COL21A1: variants seen among roughly 807,000 people sequenced by gnomAD.
The protein encoded by COL21A1 is collagen alpha-1(XXI) chain.
COL21A1 carries 149 observed loss-of-function variants against 137.9 expected under a neutral mutation model. The ratio of observed to expected loss-of-function variants is 1.08; its 90% CI spans 0.95 to 1.24. The LOEUF is 1.24. Ranked by LOEUF, COL21A1 falls within the 50% of genes most tolerant of loss-of-function variation. COL21A1 has a pLI of 0.00. For synonymous variants in COL21A1, 456 were observed against 391.5 expected, an observed-to-expected ratio of 1.16 and a Z score of -1.95; for missense variants, 1,167 against 1,158.4, an observed-to-expected ratio of 1.01 and a Z score of -0.11.
chr6:56,248,656 G>A (rs949957480), upstream of COL21A1, among the ~76,000 whole-genome samples: 1 of 152,202 alleles, frequency 6.6e-6, no homozygotes, highest in Non-Finnish European at 1.5e-5. Flanking sequence ...CTAAATGAAT[G>A]TGTGAATTAA....
intron 1 of COL21A1, among the ~76,000 whole-genome samples, chr6:56,229,036 T>C (rs1289590217): frequency 1.3e-5 from 2 of 151,874 alleles, no homozygotes; most frequent in African/African-American, 4.8e-5. Context: ...AATAGCATTA[T>C]GGATATGTAA....
chr6:56,315,662 C>T (rs1764714928), intron 1 of COL21A1, among the ~76,000 whole-genome samples: 1 of 151,804 alleles, frequency 6.6e-6, no homozygotes, highest in Non-Finnish European at 1.5e-5. Flanking sequence ...CTCTTCCTTC[C>T]TCCTCTCCCT....
chr6:56,140,889 G>A (rs1039651806), intron 12 of COL21A1, among the ~76,000 whole-genome samples: 14 of 152,270 alleles, frequency 9.2e-5, no homozygotes, highest in Admixed American at 7.2e-4. Flanking sequence ...CCAGTAAAAT[G>A]TATGACATTG....
chr6:56,245,494 T>G (rs187811340), intron 1 of COL21A1, among the ~76,000 whole-genome samples: 5 of 152,344 alleles, frequency 3.3e-5, no homozygotes, highest in Admixed American at 2.0e-4. Flanking sequence ...ATAGATCTTC[T>G]TTTAAGGTGG....
chr6:56,126,185 C>T (rs1210506715), intron 12 of COL21A1, 36 bp from the exon 13 acceptor site: 1 of 1,364,330 alleles, frequency 7.3e-7, no homozygotes, highest in South Asian at 1.3e-5. Flanking sequence ...CAAAGAAAAA[C>T]CATTCCAGCC....
At position 56,177,818 on chromosome 6, in the gene COL21A1, A is replaced by C. The variant is rs1777609421; in HGVS notation, c.640+1760T>G. On this transcript the variant is annotated intron_variant, in intron 3 of 29. Transcript: ENST00000244728. ...AAAAAAAAAAAAAAAAAAAAAGTCG[A>C]GTGCAGAAAACATCCATATAAATTC... Among the ~76,000 whole-genome samples, 6 of 144,406 alleles carry C rather than the reference A, an allele frequency of 4.2e-5. No homozygotes were observed. The South Asian group carries it at 1.3e-3, about 32-fold the overall frequency. The allele number at this position is 144,406 out of a possible 152,430, so 94.7% of individuals were successfully genotyped here.
chr6:56,346,406 G>A (rs1048116474), intron 1 of COL21A1, among the ~76,000 whole-genome samples: 1 of 152,170 alleles, frequency 6.6e-6, no homozygotes, highest in Non-Finnish European at 1.5e-5. Context: ...CGTTGTTGCA[G>A]GTATAGCAAT....
At chr6:56,238,378 T>G (rs571168245) in intron 1 of COL21A1, among the ~76,000 whole-genome samples, 30 of 143,572 alleles carry the variant, frequency 2.1e-4, no homozygotes, top group Non-Finnish European at 3.7e-4. Context: ...TGCAGAAGCA[T>G]GAAGGCACCT....
chr6:56,258,425 G>A (rs1763167284), intron 1 of COL21A1, among the ~76,000 whole-genome samples: 1 of 151,972 alleles, frequency 6.6e-6, no homozygotes, highest in African/African-American at 2.4e-5. Flanking sequence ...CACTCTACCT[G>A]CATCCAACGG....
chr6:56,179,075 T>C (rs140756764), intron 3 of COL21A1, among the ~76,000 whole-genome samples: 1 of 152,002 alleles, frequency 6.6e-6, no homozygotes, highest in East Asian at 1.9e-4. Flanking sequence ...AGTATAAAAA[T>C]TGTATACACA....
At chr6:56,098,586 A>T (rs865981193) in intron 17 of COL21A1, among the ~76,000 whole-genome samples, 21 of 7,910 alleles carry the variant, frequency 2.7e-3, no homozygotes, top group African/African-American at 7.8e-3. Context: ...AATATATATA[A>T]ATATATAAAT....
intron 10 of COL21A1, among the ~76,000 whole-genome samples, chr6:56,144,133 C>T (rs1321125628): frequency 6.6e-6 from 1 of 152,218 alleles, no homozygotes; most frequent in East Asian, 1.9e-4. Context: ...AGCTCTGTCA[C>T]TGCTAGCAAT....
chr6:56,228,753 T>A (rs1781365356), intron 1 of COL21A1, among the ~76,000 whole-genome samples: 1 of 151,650 alleles, frequency 6.6e-6, no homozygotes, highest in Non-Finnish European at 1.5e-5. Context: ...TGTTTGCTTT[T>A]GAGTGTCAAG....
intron 1 of COL21A1, among the ~76,000 whole-genome samples, chr6:56,347,517 T>TAAAAAAAAA (rs373385667): frequency 7.9e-6 from 1 of 127,178 alleles, no homozygotes; most frequent in African/African-American, 3.0e-5. Context: ...AGGAAGCATT[T>TAAAAAAAAA]AAAAAAAAAA....
At chr6:56,218,175 G>A (rs1363439340) in intron 1 of COL21A1, among the ~76,000 whole-genome samples, 1 of 151,952 alleles carries the variant, frequency 6.6e-6, no homozygotes, top group Non-Finnish European at 1.5e-5. Flanking sequence ...ATATTAGGGG[G>A]ATAGTCAAAC....
chr6:56,209,258 C>T (rs1044897150), intron 1 of COL21A1, among the ~76,000 whole-genome samples: 2 of 152,138 alleles, frequency 1.3e-5, no homozygotes, highest in East Asian at 1.9e-4. Flanking sequence ...GCAAAGGCAA[C>T]AAAAGCCAAA....
At chr6:56,200,562 T>C (rs1411829136) in intron 1 of COL21A1, among the ~76,000 whole-genome samples, 2 of 150,670 alleles carry the variant, frequency 1.3e-5, no homozygotes, top group African/African-American at 2.4e-5. Context: ...TGTTTGGTTT[T>C]TTGTCCTTGT....
chr6:56,388,494 A>C (rs1366378747), intron 1 of COL21A1, among the ~76,000 whole-genome samples: 1 of 152,238 alleles, frequency 6.6e-6, no homozygotes, highest in Non-Finnish European at 1.5e-5. Flanking sequence ...ACCCAAGTCA[A>C]CCAATGCTGT....
At chr6:56,166,450 G>A (rs573726437) in intron 7 of COL21A1, among the ~76,000 whole-genome samples, 5 of 152,136 alleles carry the variant, frequency 3.3e-5, no homozygotes, top group East Asian at 3.9e-4. Flanking sequence ...TCAGGAGTTC[G>A]AGACCAGCCT....
Sources: allele counts gnomAD v4.1 joint callset (sites outside exome capture counted in the v4.1 genomes callset), GRCh38; gene constraint gnomAD v4.1.1; transcripts MANE v1.5; gene names NCBI Gene and HGNC (gene_info 2026-07-23, HGNC 2026-07-21).